The following KIAA1217 variants were observed in gnomAD, a reference collection of about 807,000 sequenced individuals.
The protein encoded by KIAA1217 is KIAA1217.
Under a neutral mutation model 163.9 loss-of-function variants are expected in KIAA1217, and 88 were observed. That is an observed-to-expected ratio of 0.54 (90% CI 0.45 to 0.64). The LOEUF (loss-of-function observed/expected upper bound fraction) is 0.64, where lower values mean the gene tolerates loss of function less well. Ranked by LOEUF, KIAA1217 falls within the 30% of genes least tolerant of loss-of-function variation. The probability of loss-of-function intolerance (pLI) is 0.00; values close to 1 mark genes in which losing one functional copy is unlikely to be tolerated. For synonymous variants in KIAA1217, 903 were observed against 923.1 expected (o/e 0.98, Z 0.39); for missense variants, 2,372 against 2,475.0 (o/e 0.96, Z 0.88).
chr10:24,473,538 T>C lies in KIAA1217; in HGVS notation c.1157T>C (p.Met386Thr). The C allele has an allele frequency of 6.2e-7, 1 of 1,613,896 alleles. No individual in the cohort carries two copies. Among genetic ancestry groups the C allele is most frequent in the Non-Finnish European group, 8.5e-7 (1 of 1,179,918 alleles). The change falls in exon 6 of 21, where the codon ATG becomes ACG. Residue 386 changes from methionine to threonine, a missense_variant. Physicochemically the swap from Met to Thr is moderately conservative, Grantham distance 81 (BLOSUM62 -1). This residue lies in a region of KIAA1217 where 1,431 missense variants were observed against 1,470.3 expected (regional missense o/e 0.97). Coordinates refer to ENST00000376454, the MANE Select transcript of KIAA1217 (RefSeq NM_019590.5). ...GACATGAGTGGCAAAAACATTGCAA[T>C]GTACAGAAATGAGGGTTTCTATGCT... is the stretch of plus-strand genomic sequence containing the variant. The part of the protein sequence containing the change: ...DEDMSGKNIA[M>T]YRNEGFYADP...
chr10:23,912,665 A>G (rs1842483726), intron 1 of KIAA1217, among the ~76,000 whole-genome samples: 1 of 152,160 alleles, frequency 6.6e-6, no homozygotes, highest in African/African-American at 2.4e-5. Flanking sequence ...ACATGATTTC[A>G]TTCTTTTTAT....
chr10:24,449,203 A>G lies in KIAA1217; in HGVS notation c.846+10724A>G, dbSNP rs894732200. On this transcript the variant is annotated intron_variant, in intron 5 of 20. Coordinates refer to ENST00000376454, the MANE Select transcript of KIAA1217 (RefSeq NM_019590.5). ...ATTTTCTTGTTCCTTCTCTGCTTCC[A>G]GTTATAAAGTCTTATTTTTTAGAAG... 2.0e-5 allele frequency among the ~76,000 whole-genome samples: 3 copies of G among 152,344 alleles called. No homozygotes were observed. In the South Asian group the frequency reaches 6.2e-4, roughly 32 times the overall value.
intron 2 of KIAA1217, among the ~76,000 whole-genome samples, chr10:24,047,429 G>T (rs1412553702): frequency 6.6e-6 from 1 of 152,178 alleles, no homozygotes. Context: ...GTGGTTTATG[G>T]GGAGAAGTAG....
At chr10:24,069,181 G>A (rs1236074239) in intron 2 of KIAA1217, among the ~76,000 whole-genome samples, 1 of 152,206 alleles carries the variant, frequency 6.6e-6, no homozygotes, top group Non-Finnish European at 1.5e-5. Flanking sequence ...CAAAGGCTGA[G>A]CATTTGCTGG....
intron 2 of KIAA1217, among the ~76,000 whole-genome samples, chr10:24,072,161 GACTAAAGGC>G (rs1232781335): frequency 6.6e-6 from 1 of 152,018 alleles, no homozygotes; most frequent in African/African-American, 2.4e-5. Context: ...AAGGAGTTAG[GACTAAAGGC>G]ACATACCACC....
chr10:23,707,119 A>G (rs1447358883), intron 1 of KIAA1217, among the ~76,000 whole-genome samples: 1 of 152,220 alleles, frequency 6.6e-6, no homozygotes, highest in Non-Finnish European at 1.5e-5. Context: ...ATATAGGTTA[A>G]AGGGGTAGGA....
At chr10:24,277,740 C>T (rs2077467599) in intron 2 of KIAA1217, among the ~76,000 whole-genome samples, 1 of 152,214 alleles carries the variant, frequency 6.6e-6, no homozygotes, top group African/African-American at 2.4e-5. Flanking sequence ...GAGGCCTCCC[C>T]AGCCCTGCAG....
rs1268005804 is a variant in KIAA1217 at position 23,790,543 on chromosome 10, G to A, written c.-321+95309G>A. Among the ~76,000 whole-genome samples the A allele has an allele frequency of 1.0e-3, 100 of 99,558 alleles. 20 individuals are homozygous for A. The highest frequency in any genetic ancestry group is 5.9e-3 in the African/African-American group (91 of 15,526). The allele number at this position is 99,558 out of a possible 152,430, so 65.3% of individuals were successfully genotyped here. ...TATATACATATATACATATACATGT[G>A]CATATATACATATGTACATATGTAT... On this transcript the variant is annotated intron_variant, in intron 1 of 18. Transcript: ENST00000376462.
At chr10:24,145,743 G>T (rs1277218072) in intron 2 of KIAA1217, among the ~76,000 whole-genome samples, 2 of 152,208 alleles carry the variant, frequency 1.3e-5, no homozygotes, top group East Asian at 3.8e-4. Context: ...CAAACCATTC[G>T]TGTTAAGTCC....
At chr10:23,760,939 G>A (rs911489687) in intron 1 of KIAA1217, among the ~76,000 whole-genome samples, 3 of 152,176 alleles carry the variant, frequency 2.0e-5, no homozygotes, top group Non-Finnish European at 4.4e-5. Context: ...AAATGGTGAT[G>A]TTTTAGAAAT....
intron 1 of KIAA1217, among the ~76,000 whole-genome samples, chr10:23,790,163 A>G (rs1365358182): frequency 2.8e-4 from 17 of 61,246 alleles, no homozygotes; most frequent in African/African-American, 1.0e-3. Flanking sequence ...ATGCATATAC[A>G]CATATACACA....
chr10:23,941,319 G>T (rs1214709435), intron 1 of KIAA1217, among the ~76,000 whole-genome samples: 1 of 152,164 alleles, frequency 6.6e-6, no homozygotes, highest in Non-Finnish European at 1.5e-5. Flanking sequence ...GACGTAGATT[G>T]GATTGAACAA....
chr10:24,309,354 A>ACGCGCGCGCG (rs2042410304), intron 2 of KIAA1217, among the ~76,000 whole-genome samples: 1 of 141,918 alleles, frequency 7.0e-6, no homozygotes, highest in African/African-American at 2.8e-5. Flanking sequence ...GCGCGCGCAC[A>ACGCGCGCGCG]CACACACACA....
intron 2 of KIAA1217, among the ~76,000 whole-genome samples, chr10:24,333,829 A>G (rs998947225): frequency 1.3e-5 from 2 of 152,252 alleles, no homozygotes; most frequent in Non-Finnish European, 2.9e-5. Flanking sequence ...AGGCCAAACA[A>G]AACTTGAATT....
At chr10:23,954,438 A>C (rs1332145742) in intron 1 of KIAA1217, among the ~76,000 whole-genome samples, 1 of 152,048 alleles carries the variant, frequency 6.6e-6, no homozygotes, top group East Asian at 1.9e-4. Context: ...GGTAATGTAC[A>C]TCTGTGGTCC....
intron 2 of KIAA1217, among the ~76,000 whole-genome samples, chr10:24,303,579 C>T (rs558988631): frequency 9.2e-5 from 14 of 152,234 alleles, no homozygotes; most frequent in Middle Eastern, 3.4e-3. Flanking sequence ...TTTGTGCCCT[C>T]GGCAACTGGA....
intron 1 of KIAA1217, among the ~76,000 whole-genome samples, chr10:23,957,809 T>A (rs576342306): frequency 2.9e-4 from 44 of 152,290 alleles, no homozygotes; most frequent in African/African-American, 1.1e-3. Flanking sequence ...CACCCTTTGC[T>A]TTTCTCACCT....
chr10:24,330,682 C>T (rs11817630), intron 2 of KIAA1217, among the ~76,000 whole-genome samples: 5,420 of 152,216 alleles, frequency 0.036, 322 homozygotes, highest in African/African-American at 0.12. Flanking sequence ...GTGGTGTGAT[C>T]ATGGCTCACT....
intron 3 of KIAA1217, among the ~76,000 whole-genome samples, chr10:24,419,164 C>T: frequency 7.1e-6 from 1 of 141,362 alleles, no homozygotes; most frequent in Admixed American, 7.3e-5. Context: ...CAGAGCAAGA[C>T]TCGTCTCCAA....
Sources: allele counts gnomAD v4.1 joint callset (sites outside exome capture counted in the v4.1 genomes callset), GRCh38; gene constraint gnomAD v4.1.1; regional missense constraint gnomAD v4.1.1; transcripts MANE v1.5; gene names NCBI Gene and HGNC (gene_info 2026-07-23, HGNC 2026-07-21).